The following BTBD19 variants were observed in gnomAD, a reference collection of about 807,000 sequenced individuals.
BTBD19 encodes BTB/POZ domain-containing protein 19.
BTBD19 carries 20 observed loss-of-function variants against 36.1 expected under a neutral mutation model. The observed-to-expected ratio is 0.55, with a 90% CI of 0.39 to 0.80. The LOEUF (loss-of-function observed/expected upper bound fraction) is 0.80, where lower values mean the gene tolerates loss of function less well. BTBD19 is among the 30% of genes least tolerant of loss of function. The probability of loss-of-function intolerance (pLI) is 0.00; values close to 1 mark genes in which losing one functional copy is unlikely to be tolerated. For missense variants in BTBD19, 325 were observed against 389.8 expected (o/e 0.83, Z 1.40); for synonymous variants, 157 against 174.3 (o/e 0.90, Z 0.78).
downstream of BTBD19, chr1:44,814,160 T>TTCTGTCTG (rs879548612): frequency 4.0e-4 from 53 of 131,002 alleles, no homozygotes; most frequent in Non-Finnish European, 6.0e-4. Context: ...CTTTCTTTCT[T>TTCTGTCTG]TCTTTCTTTC....
intron 1 of BTBD19, among the ~76,000 whole-genome samples, chr1:44,809,704 T>C (rs2148862206): frequency 6.6e-6 from 1 of 152,318 alleles, no homozygotes; most frequent in Non-Finnish European, 1.5e-5. Flanking sequence ...GTGGTCTGGC[T>C]CATGATGGTG....
At chr1:44,811,570 G>C (rs1019456475) in intron 3 of BTBD19, 2 of 184,712 alleles carry the variant, frequency 1.1e-5, no homozygotes, top group Admixed American at 5.3e-5. Flanking sequence ...GAAGGTTTCC[G>C]ATAAGGGAGT....
intron 3 of BTBD19, 88 bp from the exon 4 acceptor site, chr1:44,811,951 C>A: frequency 9.0e-7 from 1 of 1,116,610 alleles, no homozygotes; most frequent in Non-Finnish European, 1.2e-6. Context: ...TGACTCACCG[C>A]TCCAAGCCTG....
At position 44,810,577 on chromosome 1, in the gene BTBD19, T is replaced by G; in HGVS notation, c.324T>G (p.Ala108=). 1 of 1,549,938 alleles carries G rather than the reference T, an allele frequency of 6.5e-7. No homozygotes were observed. Among genetic ancestry groups the G allele is most frequent in the Non-Finnish European group, 8.7e-7 (1 of 1,146,450 alleles). The change falls in exon 3 of 8, where the codon GCT becomes GCG. Residue 108 remains alanine (A), a synonymous_variant. Coordinates refer to ENST00000450269, the Ensembl canonical transcript of BTBD19. The surrounding 1 kb of genome is among the most constrained non-coding windows in gnomAD (Gnocchi z 4.2). Reference sequence around the variant, plus strand: ...AGGTGCTGGAAGTGCTGACAGCGGCTGTGGAGTATGGGCTGGAGGAACTGA... The same window carrying G: ...AGGTGCTGGAAGTGCTGACAGCGGCGGTGGAGTATGGGCTGGAGGAACTGA...
Position 44,810,585 on chromosome 1 carries a change from A to G in BTBD19, c.332A>G (p.Tyr111Cys). ...GAAGTGCTGACAGCGGCTGTGGAGT[A>G]TGGGCTGGAGGAACTGAGAGAGGTG... Residue 111 changes from tyrosine to cysteine, a missense_variant, in exon 3 of 8, where the codon TAT (tyrosine) becomes TGT (cysteine). By Grantham distance (194) the Tyr-to-Cys change is radical. Transcript: ENST00000450269. This position sits in a 1 kb window ranked among gnomAD's most constrained non-coding sequence, Gnocchi z 4.2. 12 of 1,549,392 alleles carry G rather than the reference A, an allele frequency of 7.7e-6. No individual in the cohort carries two copies. Among genetic ancestry groups the G allele is most frequent in the Non-Finnish European group, 1.0e-5 (12 of 1,146,156 alleles).
chr1:44,810,829 G>T lies in BTBD19; in HGVS notation c.354+222G>T. ...GCTGTGGGAAGAGGGGGTGATTATG[G>T]CTGGTGCTGTAGATACAAAGATATC... is the stretch of plus-strand genomic sequence containing the variant. On this transcript the variant is annotated intron_variant, in intron 3 of 7. Transcript: ENST00000450269. This position sits in a 1 kb window ranked among gnomAD's most constrained non-coding sequence, Gnocchi z 4.2. 1 of 370,340 alleles carries T rather than the reference G, an allele frequency of 2.7e-6. No homozygotes were observed. Among genetic ancestry groups the T allele is most frequent in the Non-Finnish European group, 5.3e-6 (1 of 187,936 alleles). 22.9% of individuals were successfully genotyped at this position (370,340 alleles called of 1,614,324 possible).
intron 3 of BTBD19, 96 bp from the exon 4 acceptor site, chr1:44,811,943 A>T: frequency 2.0e-6 from 2 of 993,544 alleles, no homozygotes; most frequent in Non-Finnish European, 2.8e-6. Context: ...CTGCTGGGTG[A>T]CTCACCGCTC....
In BTBD19 at chr1:44,810,052, G is replaced by T. The variant is rs1332169543; in HGVS notation, c.87-161G>T. On this transcript the variant is annotated intron_variant, in intron 1 of 7. Coordinates refer to ENST00000450269, the Ensembl canonical transcript of BTBD19. The surrounding 1 kb of genome is among the most constrained non-coding windows in gnomAD (Gnocchi z 4.2). ...TACCCATTAGGTGGAGCTGGGACTA[G>T]AACTCAGGGCTTTGGGTCCCAGACC... 6.6e-6 allele frequency among the ~76,000 whole-genome samples: 1 copy of T among 152,246 alleles called. No homozygotes were observed. Among genetic ancestry groups the T allele is most frequent in the Non-Finnish European group, 1.5e-5 (1 of 68,042 alleles).
rs573076170 is a variant in BTBD19, at chr1:44,813,994, C to G, written c.*222C>G. 1.5e-6 allele frequency: 1 copy of G among 670,774 alleles called. No homozygotes were observed. The highest frequency in any genetic ancestry group is 2.8e-5 in the East Asian group (1 of 36,258). 41.6% of individuals were successfully genotyped at this position (670,774 alleles called of 1,614,324 possible). On this transcript the variant is annotated 3_prime_UTR_variant, in exon 8 of 8. Coordinates refer to ENST00000450269, the Ensembl canonical transcript of BTBD19. The surrounding 1 kb of genome is among the most constrained non-coding windows in gnomAD (Gnocchi z 7.8). ...GCCGGGCAGGGCTTGGGCTGGGCCT[C>G]CCTGAGGGGGTGAAACTCGAAAACG...
At chr1:44,808,672 C>A in exon 1 of BTBD19, 2 of 533,364 alleles carry the variant, frequency 3.7e-6, no homozygotes, top group Non-Finnish European at 6.6e-6. Context: ...GAGCTTGGGC[C>A]TCTCCTGCTC....
downstream of BTBD19, chr1:44,814,222 T>TTC (rs1557635854): frequency 1.0e-4 from 13 of 125,536 alleles, no homozygotes; most frequent in African/African-American, 4.9e-4. Context: ...TTTTCTTTCT[T>TTC]TCTCTTTCCT....
At chr1:44,814,220 CTT>C (rs1557635845), downstream of BTBD19, 11 of 119,758 alleles carry the variant, frequency 9.2e-5, no homozygotes, top group African/African-American at 3.5e-4. Context: ...CTTTTTCTTT[CTT>C]TCTCTTTCCT....
At chr1:44,809,018 T>C in intron 1 of BTBD19, 112 bp downstream of exon 1, 1 of 918,842 alleles carries the variant, frequency 1.1e-6, no homozygotes, top group South Asian at 2.0e-5. Flanking sequence ...CCATCCTCCC[T>C]GGTGAACTTA....
At position 44,810,129 on chromosome 1, in the gene BTBD19, G is replaced by C; in HGVS notation, c.87-84G>C. The C allele has an allele frequency of 8.1e-7, 1 of 1,228,952 alleles. No homozygotes were observed. The highest frequency in any genetic ancestry group is 1.2e-6 in the Non-Finnish European group (1 of 865,068). 76.1% of individuals were successfully genotyped at this position (1,228,952 alleles called of 1,614,324 possible). On this transcript the variant is annotated intron_variant, in intron 1 of 7. Coordinates refer to ENST00000450269, the Ensembl canonical transcript of BTBD19. The surrounding 1 kb of genome is among the most constrained non-coding windows in gnomAD (Gnocchi z 4.2). Reference sequence around the variant, plus strand: ...TCTTACATTCTGGTTAGGAAACTAAGACCCAGAGTGGGCAAAGGCACAGCC... The same window carrying C: ...TCTTACATTCTGGTTAGGAAACTAACACCCAGAGTGGGCAAAGGCACAGCC...
chr1:44,810,740 A>G lies in BTBD19; in HGVS notation c.354+133A>G. The G allele has an allele frequency of 1.2e-6, 1 of 820,108 alleles. No homozygotes were observed. Among genetic ancestry groups the G allele is most frequent in the Non-Finnish European group, 1.8e-6 (1 of 559,644 alleles). The allele number at this position is 820,108 out of a possible 1,614,324, so 50.8% of individuals were successfully genotyped here. A position where few individuals can be genotyped will look rare whatever the true frequency, so the allele number is the denominator to read the frequency against. On this transcript the variant is annotated intron_variant, in intron 3 of 7. Transcript: ENST00000450269. The surrounding 1 kb of genome is among the most constrained non-coding windows in gnomAD (Gnocchi z 4.2). ...AGAGAGAAGTATGTATATCTCTCCC[A>G]AGTAAGTAGGGCATGTATGTGTGCC...
At chr1:44,809,877 G>C (rs1386260697) in intron 1 of BTBD19, among the ~76,000 whole-genome samples, 4 of 152,212 alleles carry the variant, frequency 2.6e-5, no homozygotes, top group African/African-American at 9.6e-5. Flanking sequence ...GAGGAGAGGG[G>C]AAGGTGGGAT....
chr1:44,811,721 T>C, intron 3 of BTBD19: 1 of 291,468 alleles, frequency 3.4e-6, no homozygotes, highest in Non-Finnish European at 7.0e-6. Context: ...AGAAGTATCC[T>C]TGAGTCAGGA....
intron 3 of BTBD19, 120 bp from the exon 4 acceptor site, chr1:44,811,919 G>A (rs879845089): frequency 1.3e-6 from 1 of 741,220 alleles, no homozygotes; most frequent in East Asian, 6.6e-5. Flanking sequence ...GCCTGGGTCA[G>A]GATGGGTCTG....
chr1:44,814,345 C>G (rs1652625162), downstream of BTBD19: 1 of 151,492 alleles, frequency 6.6e-6, no homozygotes, highest in Non-Finnish European at 1.5e-5. Context: ...TCGCCCAGGC[C>G]GGAGGGCAGT....
Sources: gnomAD v4.1 joint callset for allele counts (sites outside exome capture counted in the v4.1 genomes callset) on GRCh38, gnomAD v4.1.1 for gene constraint, Gnocchi (gnomAD v3.1) non-coding constraint, MANE v1.5 for transcripts, NCBI Gene and HGNC (gene_info 2026-07-23, HGNC 2026-07-21) for gene names.